TENM4: variants seen among roughly 807,000 people sequenced by gnomAD.
TENM4 encodes teneurin-4.
Under a neutral mutation model 243.3 loss-of-function variants are expected in TENM4, and 82 were observed. That is an observed-to-expected ratio of 0.34 (90% CI 0.28 to 0.40). TENM4 has a LOEUF of 0.40. TENM4 is among the 10% of genes least tolerant of loss of function. TENM4 has a pLI of 1.00. For missense variants in TENM4, 3,138 were observed against 3,673.3 expected, an observed-to-expected ratio of 0.85 and a Z score of 3.77; for synonymous variants, 1,412 against 1,456.3, an observed-to-expected ratio of 0.97 and a Z score of 0.69.
chr11:78,702,986 T>G (rs781743938), intron 27 of TENM4, among the ~76,000 whole-genome samples: 1 of 152,240 alleles, frequency 6.6e-6, no homozygotes, highest in Non-Finnish European at 1.5e-5. Flanking sequence ...GCTGGCTAGC[T>G]GCTAGAGACA....
At chr11:79,200,541 G>T (rs1039483728) in intron 3 of TENM4, among the ~76,000 whole-genome samples, 1 of 152,188 alleles carries the variant, frequency 6.6e-6, no homozygotes, top group African/African-American at 2.4e-5. Flanking sequence ...ATGCAGGCTG[G>T]GCCTTCCAGG....
intron 9 of TENM4, among the ~76,000 whole-genome samples, chr11:78,884,251 C>G (rs1007644546): frequency 1.3e-5 from 2 of 152,188 alleles, no homozygotes; most frequent in African/African-American, 4.8e-5. Flanking sequence ...AAGCAGGCAG[C>G]CTAATTTCAG....
At chr11:79,122,934 C>A (rs1861772494) in intron 4 of TENM4, among the ~76,000 whole-genome samples, 1 of 152,226 alleles carries the variant, frequency 6.6e-6, no homozygotes, top group Non-Finnish European at 1.5e-5. Context: ...ATTTACCCAG[C>A]CTGCATGGTT....
At chr11:78,933,724 G>C (rs1212653191) in intron 6 of TENM4, among the ~76,000 whole-genome samples, 1 of 152,194 alleles carries the variant, frequency 6.6e-6, no homozygotes, top group Non-Finnish European at 1.5e-5. Context: ...AGCCAGCCAC[G>C]TGTAAGCTGG....
chr11:78,881,403 T>A (rs1047095665), intron 9 of TENM4, among the ~76,000 whole-genome samples: 9 of 152,100 alleles, frequency 5.9e-5, no homozygotes, highest in African/African-American at 1.9e-4. Flanking sequence ...GAGAGTGAGG[T>A]GGAGATTTCC....
intron 4 of TENM4, among the ~76,000 whole-genome samples, chr11:79,115,709 C>A (rs898293351): frequency 1.3e-5 from 2 of 152,198 alleles, no homozygotes; most frequent in Admixed American, 1.3e-4. Flanking sequence ...TTCCAAAGTG[C>A]TTGTCCAAGA....
intron 4 of TENM4, among the ~76,000 whole-genome samples, chr11:79,143,607 C>T (rs1862337379): frequency 1.3e-5 from 2 of 151,840 alleles, no homozygotes; most frequent in South Asian, 4.2e-4. Context: ...AGCACAGCAA[C>T]ATGGCACATG....
At chr11:79,088,895 T>A (rs913263797) in intron 4 of TENM4, among the ~76,000 whole-genome samples, 15 of 152,324 alleles carry the variant, frequency 9.8e-5, no homozygotes, top group Admixed American at 5.2e-4. Context: ...TGAGCAGGTA[T>A]GTTGCAGTTT....
rs1016921532 is a variant in TENM4 at position 78,818,889 on chromosome 11, T to C, written c.1682-4494A>G. ...GCCTATGAATAATTGGTTTTCATAA[T>C]TGGGTATATGGCATGTTGGAAAATG... On this transcript the variant is annotated intron_variant, in intron 12 of 33. Transcript: ENST00000278550. Among the ~76,000 whole-genome samples the C allele has an allele frequency of 3.9e-5, 6 of 151,996 alleles. No individual in the cohort carries two copies. In the South Asian group the frequency reaches 1.2e-3, roughly 32 times the overall value.
intron 9 of TENM4, among the ~76,000 whole-genome samples, chr11:78,876,466 C>A (rs748082567): frequency 3.8e-4 from 58 of 152,294 alleles, no homozygotes; most frequent in Admixed American, 2.5e-3. Flanking sequence ...TATCCTCTAC[C>A]TTTGCTTAGG....
intron 4 of TENM4, among the ~76,000 whole-genome samples, chr11:79,146,087 C>T (rs1414171882): frequency 6.6e-6 from 1 of 152,036 alleles, no homozygotes; most frequent in African/African-American, 2.4e-5. Flanking sequence ...CTGTGGGTTA[C>T]TAGGTTACTC....
rs112401022 is a variant in TENM4, at chr11:78,792,727, C to G, written c.2180-5644G>C. ...TGTATGTCGGTTGATGCGACTCTAT[C>G]TCAGTGCCACGTTGTACACAGGTTA... On this transcript the variant is annotated intron_variant, in intron 15 of 33. Transcript: ENST00000278550. Among the ~76,000 whole-genome samples, 349 of 152,300 alleles carry G rather than the reference C, an allele frequency of 2.3e-3. 2 individuals are homozygous for G. The highest frequency in any genetic ancestry group is 8.1e-3 in the African/African-American group (336 of 41,564).
chr11:78,810,280 A>G (rs1857470486), intron 14 of TENM4, among the ~76,000 whole-genome samples: 1 of 152,226 alleles, frequency 6.6e-6, no homozygotes. Flanking sequence ...AGCTGGAGTA[A>G]GAACATTTCT....
intron 2 of TENM4, among the ~76,000 whole-genome samples, chr11:79,294,016 A>T (rs143185319): frequency 6.6e-5 from 10 of 152,354 alleles, no homozygotes; most frequent in African/African-American, 2.4e-4. Flanking sequence ...TCTCCAGGTC[A>T]GGCCTTCAGG....
rs185706726 is a variant in TENM4, at chr11:79,172,893, G to A, written c.-162-24087C>T. On this transcript the variant is annotated intron_variant, in intron 3 of 33. Coordinates refer to ENST00000278550, the MANE Select transcript of TENM4 (RefSeq NM_001098816.3). ...TGACCTCAACTGATTCGCCTGCCTC[G>A]GCCTCCCAAAGTGCTGGGATTACAG... 2.9e-4 allele frequency among the ~76,000 whole-genome samples: 44 copies of A among 152,106 alleles called. 1 individual carries two copies. In the East Asian group the frequency reaches 7.0e-3, roughly 24 times the overall value.
intron 33 of TENM4, among the ~76,000 whole-genome samples, chr11:78,660,488 C>G (rs139745366): frequency 1.6e-3 from 242 of 152,150 alleles, no homozygotes; most frequent in African/African-American, 5.4e-3. Context: ...CACCAGCGTA[C>G]AGGGGTGCAG....
chr11:79,393,000 G>T (rs1325303607), intron 1 of TENM4, among the ~76,000 whole-genome samples: 1 of 152,056 alleles, frequency 6.6e-6, no homozygotes, highest in Non-Finnish European at 1.5e-5. Context: ...GCACTATCAG[G>T]CCCTAGTGTC....
chr11:79,314,910 A>G (rs1283871322), intron 1 of TENM4, among the ~76,000 whole-genome samples: 1 of 152,228 alleles, frequency 6.6e-6, no homozygotes, highest in Non-Finnish European at 1.5e-5. Context: ...TATTTGGCAG[A>G]AACTTCTCAG....
chr11:78,958,578 G>A (rs761491204), intron 6 of TENM4, among the ~76,000 whole-genome samples: 1 of 152,132 alleles, frequency 6.6e-6, no homozygotes, highest in Admixed American at 6.5e-5. Flanking sequence ...GATACCCCAC[G>A]GTCCTCTTTG....
Sources: allele counts gnomAD v4.1 joint callset (sites outside exome capture counted in the v4.1 genomes callset), GRCh38; gene constraint gnomAD v4.1.1; transcripts MANE v1.5; gene names NCBI Gene and HGNC (gene_info 2026-07-23, HGNC 2026-07-21).